The following MEI1 variants were observed in gnomAD, a reference collection of about 807,000 sequenced individuals.
The protein encoded by MEI1 is meiosis inhibitor protein 1.
MEI1 carries 103 observed loss-of-function variants against 146.2 expected under a neutral mutation model. That is an observed-to-expected ratio of 0.70 (90% CI 0.60 to 0.83). MEI1 has a LOEUF of 0.83. MEI1 is among the 40% of genes least tolerant of loss of function. The pLI, the probability that MEI1 is intolerant of heterozygous loss-of-function variation, is 0.00. For missense variants in MEI1, 1,529 were observed against 1,533.0 expected, an observed-to-expected ratio of 1.00 and a Z score of 0.04; for synonymous variants, 652 against 628.2, an observed-to-expected ratio of 1.04 and a Z score of -0.57.
In MEI1 at chr22:41,745,926, A is replaced by T. The variant is rs757474368; in HGVS notation, c.1580A>T (p.Asn527Ile). The stretch of plus-strand genomic sequence containing the variant: ...CAGAGTGAGCCTTCAGCCCAGGAGA[A>T]TCCATTCACAGCTCCCAGCGCCAAG... Reference protein sequence around the residue: ...EFQSEPSAQENPFTAPSAKKE... With the variant: ...EFQSEPSAQEIPFTAPSAKKE... The change falls in exon 14 of 31, where the codon AAT (asparagine) becomes ATT (isoleucine). Residue 527 changes from asparagine to isoleucine, a missense_variant. This residue lies in a region of MEI1 where 1,212 missense variants were observed against 1,178.9 expected (regional missense o/e 1.03). Coordinates refer to ENST00000401548, the MANE Select transcript of MEI1 (RefSeq NM_152513.4). 1 of 1,613,544 alleles carries T rather than the reference A, an allele frequency of 6.2e-7. No individual in the cohort carries two copies. The highest frequency in any genetic ancestry group is 8.5e-7 in the Non-Finnish European group (1 of 1,179,572).
At chr22:41,767,888 C>G (rs556594610) in intron 19 of MEI1, among the ~76,000 whole-genome samples, 1 of 152,152 alleles carries the variant, frequency 6.6e-6, no homozygotes, top group East Asian at 1.9e-4. Context: ...TCAGGAGAGG[C>G]TTTGTGGAGG....
chr22:41,781,239 T>G, intron 22 of MEI1, 45 bp from the exon 23 acceptor site: 29 of 1,389,694 alleles, frequency 2.1e-5, no homozygotes, highest in South Asian at 2.4e-5. Context: ...ATGACAAGTG[T>G]GAGTGTTTTG....
In MEI1 at chr22:41,795,082, A is replaced by G. The variant is rs1217763927; in HGVS notation, c.3535-329A>G. ...AGGTATTCCAGGTAGTGAAGTACAA[A>G]CAACAGGTACAAGAGCACATGGTGG... On this transcript the variant is annotated intron_variant, in intron 28 of 30. Transcript: ENST00000401548. The surrounding 1 kb of genome is among the most constrained non-coding windows in gnomAD (Gnocchi z 4.2). Among the ~76,000 whole-genome samples, 1 of 152,200 alleles carries G rather than the reference A, an allele frequency of 6.6e-6. No homozygotes were observed. Among genetic ancestry groups the G allele is most frequent in the Non-Finnish European group, 1.5e-5 (1 of 68,040 alleles).
chr22:41,795,614 G>A lies in MEI1; in HGVS notation c.3666+72G>A. 1 of 1,602,908 alleles carries A rather than the reference G, an allele frequency of 6.2e-7. No homozygotes were observed. The highest frequency in any genetic ancestry group is 8.5e-7 in the Non-Finnish European group (1 of 1,172,910). On this transcript the variant is annotated intron_variant, in intron 29 of 30. Transcript: ENST00000401548. The surrounding 1 kb of genome is among the most constrained non-coding windows in gnomAD (Gnocchi z 4.2). Reference sequence around the variant, plus strand: ...CAACACCATCTTCTCTTGGAGGGTGGGAGCTCTGGCCACAGCAACCAAGGA... The same window carrying A: ...CAACACCATCTTCTCTTGGAGGGTGAGAGCTCTGGCCACAGCAACCAAGGA...
intron 1 of MEI1, among the ~76,000 whole-genome samples, chr22:41,700,026 C>T (rs2068574930): frequency 1.3e-5 from 2 of 152,272 alleles, no homozygotes; most frequent in Admixed American, 6.5e-5. Flanking sequence ...CCTTCTGGCT[C>T]CTTCCCTTTG....
chr22:41,773,829 C>T (rs1569300204), intron 20 of MEI1, among the ~76,000 whole-genome samples: 1 of 152,104 alleles, frequency 6.6e-6, no homozygotes, highest in Non-Finnish European at 1.5e-5. Flanking sequence ...GAGCCAAGAT[C>T]GAGCCACTGC....
chr22:41,739,925 G>A (rs1465170595), intron 11 of MEI1, among the ~76,000 whole-genome samples: 1 of 152,218 alleles, frequency 6.6e-6, no homozygotes, highest in Non-Finnish European at 1.5e-5. Context: ...CAGGTTACAT[G>A]AAGCGGGTGT....
intron 30 of MEI1, among the ~76,000 whole-genome samples, chr22:41,796,446 G>A (rs544478865): frequency 1.3e-5 from 2 of 150,902 alleles, no homozygotes; most frequent in African/African-American, 2.4e-5. Context: ...TGCCCCCCTC[G>A]GCCTCCCAAA....
intron 7 of MEI1, among the ~76,000 whole-genome samples, chr22:41,726,095 T>A (rs1370480612): frequency 6.6e-6 from 1 of 152,062 alleles, no homozygotes; most frequent in Non-Finnish European, 1.5e-5. Context: ...CTGGTCAACA[T>A]GGTGAAACTC....
At chr22:41,713,909 C>G in intron 3 of MEI1, 93 bp from the exon 4 acceptor site, 1 of 1,009,472 alleles carries the variant, frequency 9.9e-7, no homozygotes, top group Non-Finnish European at 1.5e-6. Context: ...CCAGGCAAAT[C>G]ACTATCCTGC....
At chr22:41,791,534 G>A (rs940886639) in intron 26 of MEI1, among the ~76,000 whole-genome samples, 1 of 152,154 alleles carries the variant, frequency 6.6e-6, no homozygotes, top group Non-Finnish European at 1.5e-5. Context: ...GAAAGATGGG[G>A]GCAAGGAGAG....
rs539922116 is a variant in MEI1 at position 41,729,078 on chromosome 22, C to T, written c.865-587C>T. On this transcript the variant is annotated intron_variant, in intron 7 of 30. Coordinates refer to ENST00000401548, the MANE Select transcript of MEI1 (RefSeq NM_152513.4). ...ACTCAGGAGGCTGAGGCAGAAGAAT[C>T]GCTTGAACCCAGGGAGGCGGAGGTT... is the stretch of plus-strand genomic sequence containing the variant. Among the ~76,000 whole-genome samples the T allele has an allele frequency of 1.5e-4, 22 of 143,906 alleles. No homozygotes were observed. The South Asian group carries it at 4.1e-3, about 27-fold the overall frequency. 94.4% of individuals were successfully genotyped at this position (143,906 alleles called of 152,430 possible).
chr22:41,770,027 A>G (rs2075085509), intron 19 of MEI1, among the ~76,000 whole-genome samples: 1 of 151,706 alleles, frequency 6.6e-6, no homozygotes, highest in African/African-American at 2.4e-5. Context: ...CCAGCTACTC[A>G]GGAGGCTGAG....
chr22:41,745,955 G>A lies in MEI1; in HGVS notation c.1609G>A (p.Glu537Lys). 1.9e-6 allele frequency: 3 copies of A among 1,613,646 alleles called. No homozygotes were observed. The highest frequency in any genetic ancestry group is 2.5e-6 in the Non-Finnish European group (3 of 1,179,658). ...ATTCACAGCTCCCAGCGCCAAGAAG[G>A]AAGACACCTTGGAGGCCTTCTCAGA... The part of the protein sequence containing the change: ...NPFTAPSAKK[E>K]DTLEAFSEFL... The change falls in exon 14 of 31, where the codon GAA (glutamate) becomes AAA (lysine). Residue 537 changes from glutamate (E) to lysine (K), a missense_variant. Glu to Lys is a moderately conservative substitution (Grantham distance 56). Transcript: ENST00000401548.
intron 12 of MEI1, 56 bp downstream of exon 12, chr22:41,743,250 A>G: frequency 2.3e-6 from 3 of 1,277,996 alleles, no homozygotes; most frequent in Admixed American, 3.7e-5. Context: ...TGTTTTTAGA[A>G]AGATAATTAG....
At chr22:41,787,425 T>C (rs2076030842) in intron 26 of MEI1, among the ~76,000 whole-genome samples, 1 of 152,212 alleles carries the variant, frequency 6.6e-6, no homozygotes, top group South Asian at 2.1e-4. Context: ...ATGAGCTTTT[T>C]AAAACACCCT....
chr22:41,720,550 C>A (rs1426496449), intron 6 of MEI1, among the ~76,000 whole-genome samples: 1 of 151,726 alleles, frequency 6.6e-6, no homozygotes, highest in East Asian at 1.9e-4. Flanking sequence ...CCCACCTCAG[C>A]CTACCGAGTA....
At position 41,745,942 on chromosome 22, in the gene MEI1, C is replaced by G. The variant is rs779252640; in HGVS notation, c.1596C>G (p.Pro532=). Residue 532 remains proline (P), a synonymous_variant, in exon 14 of 31, where the codon CCC becomes CCG. Coordinates refer to ENST00000401548, the MANE Select transcript of MEI1 (RefSeq NM_152513.4). ...PSAQENPFTA[P]SAKKEDTLEA... Reference sequence around the variant, plus strand: ...CCCAGGAGAATCCATTCACAGCTCCCAGCGCCAAGAAGGAAGACACCTTGG... The same window carrying G: ...CCCAGGAGAATCCATTCACAGCTCCGAGCGCCAAGAAGGAAGACACCTTGG... The G allele has an allele frequency of 6.2e-7, 1 of 1,613,528 alleles. No homozygotes were observed.
chr22:41,748,956 C>A (rs1261415310), intron 15 of MEI1, among the ~76,000 whole-genome samples: 1 of 152,120 alleles, frequency 6.6e-6, no homozygotes, highest in Non-Finnish European at 1.5e-5. Context: ...GCGCCCGCCA[C>A]CACGCCCGGC....
Sources: allele counts gnomAD v4.1 joint callset (sites outside exome capture counted in the v4.1 genomes callset), GRCh38; gene constraint gnomAD v4.1.1; regional missense constraint gnomAD v4.1.1; non-coding constraint Gnocchi (gnomAD v3.1); transcripts MANE v1.5; gene names NCBI Gene and HGNC (gene_info 2026-07-23, HGNC 2026-07-21).